SYN3: variants seen among roughly 807,000 people sequenced by gnomAD.
SYN3 encodes synapsin III, also known as synapsin-3.
SYN3 carries 35 observed loss-of-function variants against 65.8 expected under a neutral mutation model. The observed-to-expected ratio is 0.53, with a 90% CI of 0.41 to 0.70. SYN3 has a LOEUF of 0.70. Ranked by LOEUF, SYN3 falls within the 30% of genes least tolerant of loss-of-function variation. The pLI, the probability that SYN3 is intolerant of heterozygous loss-of-function variation, is 0.00. For synonymous variants in SYN3, 270 were observed against 292.9 expected (o/e 0.92, Z 0.80); for missense variants, 680 against 749.0 (o/e 0.91, Z 1.08).
intron 4 of SYN3, among the ~76,000 whole-genome samples, chr22:32,886,217 C>T (rs2049283948): frequency 6.6e-6 from 1 of 152,212 alleles, no homozygotes; most frequent in African/African-American, 2.4e-5. Flanking sequence ...TGCTACAAGA[C>T]TTTAATGAGG....
chr22:32,754,027 T>C lies in SYN3; in HGVS notation c.711+110888A>G, dbSNP rs1341503897. 4.6e-5 allele frequency among the ~76,000 whole-genome samples: 7 copies of C among 152,336 alleles called. No homozygotes were observed. The South Asian group carries it at 6.2e-4, about 14-fold the overall frequency. ...TTCTTTTAATCCCCATCCTTTCTCA[T>C]AACCACTCGAAGTCCCCGGACCATG... On this transcript the variant is annotated intron_variant, in intron 6 of 13. Coordinates refer to ENST00000358763, the MANE Select transcript of SYN3 (RefSeq NM_003490.4).
intron 6 of SYN3, among the ~76,000 whole-genome samples, chr22:32,669,615 G>A (rs1485792668): frequency 6.6e-6 from 1 of 152,212 alleles, no homozygotes; most frequent in East Asian, 1.9e-4. Flanking sequence ...TGGTGGGCAC[G>A]TTGTTCTCTA....
rs148514268 is a variant in SYN3 at position 32,839,977 on chromosome 22, G to A, written c.711+24938C>T. Among the ~76,000 whole-genome samples the A allele has an allele frequency of 8.2e-4, 125 of 152,126 alleles. 1 individual carries two copies. The East Asian group carries it at 0.022, about 27-fold the overall frequency. On this transcript the variant is annotated intron_variant, in intron 6 of 13. Transcript: ENST00000358763. Reference sequence around the variant, plus strand: ...GCTCACAAGGTGAGGAGAGCCAGGAGCTCACAAAGGCCCCTCCTCCCCTTC... The same window carrying A: ...GCTCACAAGGTGAGGAGAGCCAGGAACTCACAAAGGCCCCTCCTCCCCTTC...
intron 6 of SYN3, among the ~76,000 whole-genome samples, chr22:32,778,342 G>A (rs780829309): frequency 4.6e-5 from 7 of 152,014 alleles, no homozygotes; most frequent in Non-Finnish European, 7.4e-5. Context: ...AGGCTGGAGT[G>A]CAGAGGCACG....
Position 32,849,458 on chromosome 22 carries a change from G to A in SYN3, c.711+15457C>T, listed in dbSNP as rs1569273746. The A allele has an allele frequency of 3.7e-6, 6 of 1,613,530 alleles. No individual in the cohort carries two copies. Among genetic ancestry groups the A allele is most frequent in the East Asian group, 2.2e-5 (1 of 44,844 alleles). ...TCTCCTTCTGTCTCTGCAGTGATCC[G>A]GGCCAAGGTGGTGGGGAAGAAGCTG... is the stretch of plus-strand genomic sequence containing the variant. On this transcript the variant is annotated intron_variant, in intron 6 of 13. Transcript: ENST00000358763.
intron 6 of SYN3, among the ~76,000 whole-genome samples, chr22:32,679,048 C>CTT (rs145971116): frequency 0.024 from 2,015 of 85,614 alleles, 78 homozygotes; most frequent in Non-Finnish European, 0.033. Flanking sequence ...TTGTTTCTTT[C>CTT]TTTTTTTTTT....
At chr22:32,842,150 GA>G (rs1436109464) in intron 6 of SYN3, among the ~76,000 whole-genome samples, 4 of 152,314 alleles carry the variant, frequency 2.6e-5, no homozygotes, top group Admixed American at 1.3e-4. Flanking sequence ...AGGTCACAGA[GA>G]AACAGGGCAG....
chr22:32,584,238 A>G (rs1038186648), intron 7 of SYN3: 1 of 152,320 alleles, frequency 6.6e-6, no homozygotes. Context: ...CTTACTGTGC[A>G]TCGGGCAAAC....
intron 2 of SYN3, among the ~76,000 whole-genome samples, chr22:32,982,297 TA>T (rs1456453333): frequency 1.3e-5 from 2 of 152,178 alleles, no homozygotes; most frequent in African/African-American, 4.8e-5. Context: ...ATTTGTCTAA[TA>T]AAGCAGTCCT....
At chr22:33,009,985 C>A (rs1260997273) in intron 1 of SYN3, among the ~76,000 whole-genome samples, 1 of 152,110 alleles carries the variant, frequency 6.6e-6, no homozygotes, top group Non-Finnish European at 1.5e-5. Context: ...GTAATCCCAG[C>A]ACTTTGGGAG....
intron 1 of SYN3, among the ~76,000 whole-genome samples, chr22:33,030,330 G>T (rs1163655952): frequency 6.6e-6 from 1 of 152,202 alleles, no homozygotes; most frequent in Non-Finnish European, 1.5e-5. Flanking sequence ...TTAGGGCTGT[G>T]ATATGCATGA....
intron 1 of SYN3, among the ~76,000 whole-genome samples, chr22:33,020,634 G>T (rs545775047): frequency 1.1e-4 from 17 of 152,232 alleles, no homozygotes; most frequent in African/African-American, 3.9e-4. Flanking sequence ...AATTTCTTTT[G>T]CAAGATTGGG....
At chr22:32,824,152 T>G (rs2047335555) in intron 6 of SYN3, among the ~76,000 whole-genome samples, 1 of 151,744 alleles carries the variant, frequency 6.6e-6, no homozygotes, top group Admixed American at 6.6e-5. Flanking sequence ...GTGGCGCACA[T>G]CTGAAGTCCC....
At chr22:32,604,806 C>T (rs1034814773) in intron 6 of SYN3, among the ~76,000 whole-genome samples, 2 of 151,962 alleles carry the variant, frequency 1.3e-5, no homozygotes, top group Middle Eastern at 3.4e-3. Context: ...GAGATCGAGA[C>T]CATCCTGGCT....
At chr22:33,028,164 T>C (rs573461432) in intron 1 of SYN3, among the ~76,000 whole-genome samples, 8 of 152,038 alleles carry the variant, frequency 5.3e-5, no homozygotes, top group African/African-American at 1.9e-4. Context: ...CAGAGAGGAA[T>C]CCCAGCCCGT....
intron 6 of SYN3, among the ~76,000 whole-genome samples, chr22:32,641,578 A>C (rs972195325): frequency 1.4e-5 from 2 of 137,994 alleles, no homozygotes; most frequent in Non-Finnish European, 3.0e-5. Flanking sequence ...ACTGCACTCC[A>C]GCCTGGGCGA....
chr22:32,926,117 GC>G (rs2050463209), intron 4 of SYN3, among the ~76,000 whole-genome samples: 1 of 152,280 alleles, frequency 6.6e-6, no homozygotes, highest in South Asian at 2.1e-4. Context: ...CTCCCAAAGT[GC>G]TGGGATTACA....
chr22:32,806,862 CT>C (rs1322878346), intron 6 of SYN3, among the ~76,000 whole-genome samples: 12 of 152,032 alleles, frequency 7.9e-5, no homozygotes, highest in African/African-American at 2.7e-4. Flanking sequence ...ACTCTAGTCC[CT>C]TCTCCAAATC....
intron 6 of SYN3, chr22:32,857,337 A>G (rs1341232615): frequency 6.2e-7 from 1 of 1,614,062 alleles, no homozygotes; most frequent in African/African-American, 1.3e-5. Context: ...CTGGAGGTCA[A>G]CAAGTACCAG....
Sources: allele counts gnomAD v4.1 joint callset (sites outside exome capture counted in the v4.1 genomes callset), GRCh38; gene constraint gnomAD v4.1.1; transcripts MANE v1.5; gene names NCBI Gene and HGNC (gene_info 2026-07-23, HGNC 2026-07-21).